Variants in FARS2 observed in about 807,000 individuals in gnomAD.
The protein encoded by FARS2 is phenylalanyl-tRNA synthetase 2, mitochondrial.
Under a neutral mutation model 46.4 loss-of-function variants are expected in FARS2, and 40 were observed. The observed-to-expected ratio is 0.86, with a 90% CI of 0.67 to 1.12. The LOEUF (loss-of-function observed/expected upper bound fraction) is 1.12, where lower values mean the gene tolerates loss of function less well. Ranked by LOEUF, FARS2 falls within the 50% of genes most tolerant of loss-of-function variation. The pLI is 0.00. For synonymous variants in FARS2, 234 were observed against 214.9 expected, an observed-to-expected ratio of 1.09 and a Z score of -0.78; for missense variants, 513 against 567.9, an observed-to-expected ratio of 0.90 and a Z score of 0.98.
chr6:5,436,185 G>A (rs1194916783), intron 4 of FARS2, among the ~76,000 whole-genome samples: 1 of 152,194 alleles, frequency 6.6e-6, no homozygotes, highest in Admixed American at 6.5e-5. Context: ...GTTACAATCA[G>A]GATGGAATAT....
At chr6:5,392,067 G>A (rs1158777087) in intron 2 of FARS2, among the ~76,000 whole-genome samples, 1 of 152,086 alleles carries the variant, frequency 6.6e-6, no homozygotes, top group Non-Finnish European at 1.5e-5. Context: ...TCAATACTGT[G>A]GTATCTCCCA....
chr6:5,282,340 G>T (rs11757927), intron 1 of FARS2, among the ~76,000 whole-genome samples: 16,048 of 152,196 alleles, frequency 0.11, 1,045 homozygotes, highest in Middle Eastern at 0.15. Context: ...TATTTCAGGG[G>T]TTGCAAAAGA....
chr6:5,373,955 CACTG>C (rs1398869062), intron 2 of FARS2, among the ~76,000 whole-genome samples: 1 of 152,022 alleles, frequency 6.6e-6, no homozygotes, highest in African/African-American at 2.4e-5. Context: ...GAAATTTGAG[CACTG>C]ACTAACTGAA....
upstream of FARS2, among the ~76,000 whole-genome samples, chr6:5,259,407 T>C (rs1764844831): frequency 6.6e-6 from 1 of 152,236 alleles, no homozygotes; most frequent in Admixed American, 6.5e-5. Flanking sequence ...TTAAGTAAAA[T>C]CATTCTCTCC....
Position 5,467,024 on chromosome 6 carries a change from T to A in FARS2, c.904+35852T>A, listed in dbSNP as rs1023214516. 5 of 985,026 alleles carry A rather than the reference T, an allele frequency of 5.1e-6. No individual in the cohort carries two copies. The African/African-American group carries it at 8.7e-5, about 17-fold the overall frequency. 61.0% of individuals were successfully genotyped at this position (985,026 alleles called of 1,614,324 possible). A position where few individuals can be genotyped will look rare whatever the true frequency, so the allele number is the denominator to read the frequency against. ...TCCTCCTGAGACATTGAATACAAAT[T>A]AAAGTTTTATAGATGGACCATGGGA... On this transcript the variant is annotated intron_variant, in intron 4 of 6. Transcript: ENST00000274680.
chr6:5,271,677 C>G (rs937676900), intron 1 of FARS2, among the ~76,000 whole-genome samples: 3 of 150,960 alleles, frequency 2.0e-5, no homozygotes, highest in East Asian at 3.9e-4. Context: ...ATTCTTCTAC[C>G]TCAGCCTCCC....
chr6:5,580,494 G>A (rs1468020529), intron 5 of FARS2, among the ~76,000 whole-genome samples: 1 of 152,152 alleles, frequency 6.6e-6, no homozygotes. Flanking sequence ...AGGTGCCCCT[G>A]TCCTAACAGC....
chr6:5,321,135 A>G (rs139093724), intron 1 of FARS2, among the ~76,000 whole-genome samples: 213 of 152,320 alleles, frequency 1.4e-3, no homozygotes, highest in Middle Eastern at 3.4e-3. Context: ...GATTTCTCCA[A>G]TTCCATAAAG....
chr6:5,576,487 A>G (rs946491778), intron 5 of FARS2, among the ~76,000 whole-genome samples: 2 of 151,674 alleles, frequency 1.3e-5, no homozygotes, highest in African/African-American at 4.8e-5. Flanking sequence ...CAGCTTGCAC[A>G]TGGCCTATTT....
At chr6:5,383,428 C>G (rs1334793931) in intron 2 of FARS2, among the ~76,000 whole-genome samples, 1 of 152,204 alleles carries the variant, frequency 6.6e-6, no homozygotes, top group Non-Finnish European at 1.5e-5. Context: ...TTGTTATTCT[C>G]CAGAATAACA....
chr6:5,472,608 A>G, intron 4 of FARS2, among the ~76,000 whole-genome samples: 1 of 152,190 alleles, frequency 6.6e-6, no homozygotes, highest in Admixed American at 6.5e-5. Flanking sequence ...AATTTTATAG[A>G]AGCATGACTG....
At chr6:5,758,650 G>A (rs919956149) in intron 6 of FARS2, among the ~76,000 whole-genome samples, 1 of 152,188 alleles carries the variant, frequency 6.6e-6, no homozygotes, top group African/African-American at 2.4e-5. Flanking sequence ...CTCTTTGGAA[G>A]AATGTGTTCC....
chr6:5,684,234 G>A (rs1357748807), intron 6 of FARS2, among the ~76,000 whole-genome samples: 1 of 152,148 alleles, frequency 6.6e-6, no homozygotes, highest in Non-Finnish European at 1.5e-5. Flanking sequence ...TGGGTCCTCA[G>A]AGGACCATCC....
At chr6:5,555,345 GGTGCAACTATAC>G (rs1186088512) in intron 5 of FARS2, among the ~76,000 whole-genome samples, 2 of 152,000 alleles carry the variant, frequency 1.3e-5, no homozygotes, top group African/African-American at 4.8e-5. Flanking sequence ...GTGTAACACT[GGTGCAACTATAC>G]ATAGGTGAAT....
intron 1 of FARS2, among the ~76,000 whole-genome samples, chr6:5,359,336 C>T (rs9392678): frequency 0.23 from 34,270 of 152,050 alleles, 4,763 homozygotes; most frequent in Non-Finnish European, 0.29. Context: ...GCATTGCTCC[C>T]GGCCAAGATA....
chr6:5,417,958 C>A (rs1392503128), intron 3 of FARS2, among the ~76,000 whole-genome samples: 3 of 151,544 alleles, frequency 2.0e-5, no homozygotes, highest in African/African-American at 7.3e-5. Flanking sequence ...ATTTCTATTG[C>A]TTTATCTTCA....
chr6:5,558,698 A>G (rs891385647), intron 5 of FARS2, among the ~76,000 whole-genome samples: 3 of 151,596 alleles, frequency 2.0e-5, no homozygotes, highest in Non-Finnish European at 4.4e-5. Context: ...CACCACACCC[A>G]GCTTATTTTT....
At chr6:5,253,109 T>C in the FARS2 span, among the ~76,000 whole-genome samples, 1 of 152,228 alleles carries the variant, frequency 6.6e-6, no homozygotes, top group African/African-American at 2.4e-5. Context: ...GATCTGAAGC[T>C]CTTTGCACAA....
At chr6:5,345,084 G>T (rs748214795) in intron 1 of FARS2, among the ~76,000 whole-genome samples, 31 of 151,832 alleles carry the variant, frequency 2.0e-4, no homozygotes, top group East Asian at 1.5e-3. Flanking sequence ...GAGCCACCAC[G>T]CCTGGCCAAT....
Sources: gnomAD v4.1 joint callset for allele counts (sites outside exome capture counted in the v4.1 genomes callset) on GRCh38, gnomAD v4.1.1 for gene constraint, MANE v1.5 for transcripts, NCBI Gene and HGNC (gene_info 2026-07-23, HGNC 2026-07-21) for gene names.